The following TUSC3 variants were observed in gnomAD, a reference collection of about 807,000 sequenced individuals.
TUSC3 encodes tumor suppressor candidate 3.
A neutral mutation model predicts 44.8 loss-of-function variants in TUSC3; 45 were observed. The ratio of observed to expected loss-of-function variants is 1.00; its 90% CI spans 0.79 to 1.29. The LOEUF is 1.29. TUSC3 is among the 50% of genes most tolerant of loss of function. TUSC3 has a pLI of 0.00. For missense variants in TUSC3, 519 were observed against 437.9 expected (o/e 1.19, Z -1.65); for synonymous variants, 212 against 152.9 (o/e 1.39, Z -2.85).
chr8:15,653,762 G>A (rs1018052236), intron 3 of TUSC3, among the ~76,000 whole-genome samples: 3 of 152,124 alleles, frequency 2.0e-5, no homozygotes, highest in African/African-American at 7.2e-5. Flanking sequence ...AACACTAAAA[G>A]GTTTTTAATG....
the TUSC3 span, among the ~76,000 whole-genome samples, chr8:15,829,573 T>C: frequency 6.6e-6 from 1 of 152,142 alleles, no homozygotes; most frequent in African/African-American, 2.4e-5. Context: ...ATTTACCCTG[T>C]TTTTGACTAT....
chr8:15,659,436 G>T, intron 3 of TUSC3, 71 bp from the exon 4 acceptor site: 1 of 1,561,348 alleles, frequency 6.4e-7, no homozygotes, highest in South Asian at 1.2e-5. Flanking sequence ...AATTTCTACA[G>T]AAAAAGTGTA....
In TUSC3 at chr8:15,752,391, TAGAC is replaced by T. The variant is rs377412390; in HGVS notation, c.1028+3930_1028+3933del. ...CGTTTCTGGTTTAAAATACATTAAT[TAGAC>T]AGAAAGAAATATATGAAAAGGAAGA... is the stretch of plus-strand genomic sequence containing the variant. On this transcript the variant is annotated intron_variant, in intron 9 of 10. Transcript: ENST00000503731. Among the ~76,000 whole-genome samples the T allele has an allele frequency of 2.0e-3, 302 of 151,642 alleles. 2 individuals are homozygous for T. Among genetic ancestry groups the T allele is most frequent in the Middle Eastern group, 6.9e-3 (2 of 290 alleles).
the TUSC3 span, chr8:15,806,014 C>G: frequency 4.3e-5 from 9 of 208,530 alleles, no homozygotes; most frequent in African/African-American, 9.4e-5. Context: ...TGCTGAAGTT[C>G]TCTGGTGTGA....
chr8:15,501,875 T>G (rs1015373213), intron 2 of TUSC3, among the ~76,000 whole-genome samples: 1 of 152,224 alleles, frequency 6.6e-6, no homozygotes, highest in Non-Finnish European at 1.5e-5. Flanking sequence ...AAAAAGTATT[T>G]AATAACACAG....
chr8:15,472,326 C>T (rs1013156286), intron 1 of TUSC3, among the ~76,000 whole-genome samples: 6 of 152,060 alleles, frequency 3.9e-5, no homozygotes, highest in African/African-American at 1.4e-4. Flanking sequence ...GACAGTGGAC[C>T]ACAGAAATGA....
intron 1 of TUSC3, among the ~76,000 whole-genome samples, chr8:15,421,878 T>A (rs1323652666): frequency 6.6e-6 from 1 of 152,216 alleles, no homozygotes; most frequent in African/African-American, 2.4e-5. Flanking sequence ...TTTCTTAAAA[T>A]GGAATGTAAT....
In TUSC3 at chr8:15,529,018, C is replaced by T. The variant is rs78004172; in HGVS notation, n.189+45535C>T. 4.9e-3 allele frequency among the ~76,000 whole-genome samples: 751 copies of T among 152,272 alleles called. 6 individuals carry two copies. The highest frequency in any genetic ancestry group is 0.017 in the African/African-American group (707 of 41,552). The stretch of plus-strand genomic sequence containing the variant: ...TTTGAAATTTTATTTCTTAGCCCTA[C>T]CACCTACTCCACTGACCTTTCCTGA... On this transcript the variant is annotated intron_variant and non_coding_transcript_variant, in intron 2 of 5. Coordinates refer to the TUSC3 transcript ENST00000503191.
chr8:15,807,774 A>T, the TUSC3 span, among the ~76,000 whole-genome samples: 4,086 of 152,320 alleles, frequency 0.027, 97 homozygotes, highest in Non-Finnish European at 0.044. Context: ...AGAAAAACAA[A>T]TACTGCATGT....
chr8:15,823,808 A>G, the TUSC3 span, among the ~76,000 whole-genome samples: 1 of 151,900 alleles, frequency 6.6e-6, no homozygotes, highest in African/African-American at 2.4e-5. Flanking sequence ...TGAGTTAACG[A>G]TAACACCTGT....
At chr8:15,792,398 C>T in the TUSC3 span, among the ~76,000 whole-genome samples, 1 of 152,224 alleles carries the variant, frequency 6.6e-6, no homozygotes, top group Non-Finnish European at 1.5e-5. Flanking sequence ...AAAGATTTAT[C>T]TGAAGAGATC....
rs111261509 is a variant in TUSC3 at position 15,764,382 on chromosome 8, A to T, written c.*226A>T. The T allele has an allele frequency of 1.5e-6, 1 of 686,340 alleles. No individual in the cohort carries two copies. Among genetic ancestry groups the T allele is most frequent in the Non-Finnish European group, 2.4e-6 (1 of 408,608 alleles). 42.5% of individuals were successfully genotyped at this position (686,340 alleles called of 1,614,324 possible). The stretch of plus-strand genomic sequence containing the variant: ...TAGTAAATTTAATTTACAGAAATCA[A>T]TGGTAGCATTTAGTAATCTACAAAG... On this transcript the variant is annotated 3_prime_UTR_variant, in exon 11 of 11. Transcript: ENST00000503731.
intron 1 of TUSC3, among the ~76,000 whole-genome samples, chr8:15,448,768 AAG>A (rs945823344): frequency 1.3e-5 from 2 of 152,196 alleles, no homozygotes. Context: ...GTAAACAAAA[AAG>A]AGTACTGCTA....
At chr8:15,825,970 T>G in the TUSC3 span, among the ~76,000 whole-genome samples, 2 of 150,842 alleles carry the variant, frequency 1.3e-5, no homozygotes, top group African/African-American at 4.9e-5. Flanking sequence ...TGTACAGACT[T>G]GAACACATTA....
chr8:15,545,540 G>T (rs1228470097), intron 1 of TUSC3, among the ~76,000 whole-genome samples: 2 of 151,740 alleles, frequency 1.3e-5, no homozygotes, highest in African/African-American at 2.4e-5. Context: ...GAACAAGTCA[G>T]TCAGTCCCTG....
Position 15,596,700 on chromosome 8 carries a change from G to T in TUSC3, c.139-26380G>T, listed in dbSNP as rs146712046. On this transcript the variant is annotated intron_variant, in intron 1 of 10. Coordinates refer to ENST00000503731, the MANE Select transcript of TUSC3 (RefSeq NM_006765.4). ...TTTTATTTAATTGATTTATAAAGAG[G>T]TGTTGAGAGTGGGAGATGTGGTGTG... Among the ~76,000 whole-genome samples the T allele has an allele frequency of 4.4e-3, 675 of 152,178 alleles. 2 individuals carry two copies. The highest frequency in any genetic ancestry group is 0.015 in the African/African-American group (643 of 41,518).
chr8:15,440,636 A>T lies in TUSC3; in HGVS notation n.91+23331A>T, dbSNP rs75933977. ...AATTGACTTAAGCATTCTTTTATTG[A>T]TTGCATTTTTCCTCTATTTTAAACA... On this transcript the variant is annotated intron_variant and non_coding_transcript_variant, in intron 1 of 5. Transcript: ENST00000503191. Among the ~76,000 whole-genome samples the T allele has an allele frequency of 5.3e-3, 808 of 152,148 alleles. 6 individuals are homozygous for T. Among genetic ancestry groups the T allele is most frequent in the African/African-American group, 0.018 (752 of 41,496 alleles).
chr8:15,554,992 G>A (rs1260421379), intron 1 of TUSC3, among the ~76,000 whole-genome samples: 1 of 151,380 alleles, frequency 6.6e-6, no homozygotes, highest in Admixed American at 6.6e-5. Context: ...CGTGTGAAGG[G>A]CTATTTAAGT....
At chr8:15,583,686 C>A (rs796367851) in intron 1 of TUSC3, among the ~76,000 whole-genome samples, 1 of 152,110 alleles carries the variant, frequency 6.6e-6, no homozygotes, top group Non-Finnish European at 1.5e-5. Flanking sequence ...GAAGTGTTCA[C>A]CTTTAGTGCT....
Sources: gnomAD v4.1 joint callset for allele counts (sites outside exome capture counted in the v4.1 genomes callset) on GRCh38, gnomAD v4.1.1 for gene constraint, MANE v1.5 for transcripts, NCBI Gene and HGNC (gene_info 2026-07-23, HGNC 2026-07-21) for gene names.